NHS: variants seen among roughly 807,000 people sequenced by gnomAD.
NHS encodes the protein NHS actin remodeling regulator.
A neutral mutation model predicts 72.5 loss-of-function variants in NHS; 5 were observed. The observed-to-expected ratio is 0.07, with a 90% CI of 0.04 to 0.14. NHS has a LOEUF of 0.14. NHS is among the 10% of genes least tolerant of loss of function. The pLI is 1.00. For synonymous variants in NHS, 464 were observed against 547.7 expected, an observed-to-expected ratio of 0.85 and a Z score of 2.13; for missense variants, 1,072 against 1,355.7, an observed-to-expected ratio of 0.79 and a Z score of 3.29.
At chrX:17,600,100 C>T (rs2065642005) in intron 1 of NHS, among the ~76,000 whole-genome samples, 1 of 111,730 alleles carries the variant, frequency 9.0e-6, no homozygotes, top group Admixed American at 9.5e-5. Context: ...TACTAAGACA[C>T]TAATTTAGTT....
chrX:17,501,338 G>T (rs1279946600), intron 1 of NHS, among the ~76,000 whole-genome samples: 1 of 101,779 alleles, frequency 9.8e-6, no homozygotes, highest in Admixed American at 1.1e-4. Flanking sequence ...GGGTGACAGA[G>T]CAAGACCCTA....
In NHS at chrX:17,487,660, A is replaced by G. The variant is rs149882500; in HGVS notation, c.565+111338A>G. Among the ~76,000 whole-genome samples the G allele has an allele frequency of 9.7e-3, 1,084 of 111,683 alleles. 22 individuals carry two copies. The highest frequency in any genetic ancestry group is 0.034 in the African/African-American group (1,039 of 30,691). On this transcript the variant is annotated intron_variant, in intron 1 of 8. Coordinates refer to ENST00000676302, the MANE Select transcript of NHS (RefSeq NM_001291867.2). ...AGGCTCAGAAGGGCAAGACCAGCTC[A>G]GAGGCTGTAATTTTAGTCCTGGATG...
intron 1 of NHS, among the ~76,000 whole-genome samples, chrX:17,394,007 C>T (rs1326612321): frequency 1.8e-5 from 2 of 111,639 alleles, no homozygotes; most frequent in Non-Finnish European, 3.8e-5. Flanking sequence ...ACATTCCGCC[C>T]CCCCACCGCA....
At chrX:17,506,527 T>TAATAAATAAATA (rs61214947) in intron 1 of NHS, among the ~76,000 whole-genome samples, 7 of 98,197 alleles carry the variant, frequency 7.1e-5, no homozygotes, top group African/African-American at 2.7e-4. Flanking sequence ...TGAGACTCTG[T>TAATAAATAAATA]AATAAATAAA....
chrX:17,716,305 A>C (rs1418757880), intron 3 of NHS, among the ~76,000 whole-genome samples: 1 of 112,197 alleles, frequency 8.9e-6, no homozygotes, highest in Non-Finnish European at 1.9e-5. Context: ...GATTTAAGAC[A>C]AACTACCATA....
intron 3 of NHS, among the ~76,000 whole-genome samples, chrX:17,717,788 G>A (rs2066372955): frequency 9.0e-6 from 1 of 111,630 alleles, no homozygotes; most frequent in Non-Finnish European, 1.9e-5. Context: ...CTCCAAATGT[G>A]GTCTATGAAT....
intron 1 of NHS, among the ~76,000 whole-genome samples, chrX:17,588,447 A>G (rs2065586390): frequency 8.9e-6 from 1 of 112,286 alleles, no homozygotes; most frequent in Admixed American, 9.4e-5. Flanking sequence ...GAAGACAGAG[A>G]CAGTCAATTC....
At chrX:17,564,373 G>A (rs2065430741) in intron 1 of NHS, among the ~76,000 whole-genome samples, 1 of 112,322 alleles carries the variant, frequency 8.9e-6, no homozygotes, top group South Asian at 3.7e-4. Flanking sequence ...AACCAGAACT[G>A]TTTCCAAACA....
intron 1 of NHS, among the ~76,000 whole-genome samples, chrX:17,389,614 T>TTTATTTAC (rs1245596865): frequency 2.2e-4 from 24 of 109,640 alleles, no homozygotes; most frequent in African/African-American, 8.0e-4. Flanking sequence ...TATTTATTTA[T>TTTATTTAC]TTTTTGAGAC....
intron 1 of NHS, among the ~76,000 whole-genome samples, chrX:17,667,075 G>C (rs923646336): frequency 8.9e-6 from 1 of 112,698 alleles, no homozygotes; most frequent in Non-Finnish European, 1.9e-5. Flanking sequence ...AGAAAGCTAA[G>C]TCCTAGAGAT....
intron 1 of NHS, among the ~76,000 whole-genome samples, chrX:17,383,482 T>C (rs1328336531): frequency 1.8e-5 from 2 of 112,145 alleles, no homozygotes; most frequent in Admixed American, 1.9e-4. Context: ...ACTCACAGTT[T>C]TGCAGGCTGT....
intron 1 of NHS, among the ~76,000 whole-genome samples, chrX:17,537,107 A>G (rs756883252): frequency 8.9e-6 from 1 of 112,470 alleles, no homozygotes; most frequent in African/African-American, 3.2e-5. Context: ...CCAATTTACA[A>G]AAAAAGGATA....
At chrX:17,730,710 A>T (rs1218448809) in intron 8 of NHS, among the ~76,000 whole-genome samples, 1 of 112,518 alleles carries the variant, frequency 8.9e-6, no homozygotes, top group African/African-American at 3.2e-5. Flanking sequence ...GTAATCTTAG[A>T]CTTGCATTTG....
chrX:17,665,902 G>A (rs1484285653), intron 1 of NHS, among the ~76,000 whole-genome samples: 1 of 111,888 alleles, frequency 8.9e-6, no homozygotes, highest in Non-Finnish European at 1.9e-5. Flanking sequence ...GGAATTTTCT[G>A]TTTCATCTAA....
intron 1 of NHS, among the ~76,000 whole-genome samples, chrX:17,439,995 C>T (rs904148773): frequency 3.6e-5 from 4 of 111,159 alleles, no homozygotes; most frequent in Admixed American, 1.9e-4. Flanking sequence ...CGTGGTGGCT[C>T]ACACCTGTAA....
At chrX:17,655,824 T>A (rs2065951384) in intron 1 of NHS, among the ~76,000 whole-genome samples, 1 of 113,085 alleles carries the variant, frequency 8.8e-6, no homozygotes, top group Non-Finnish European at 1.9e-5. Flanking sequence ...GAGGGGCCGA[T>A]GCCCCTGCTT....
intron 1 of NHS, among the ~76,000 whole-genome samples, chrX:17,538,140 T>C (rs1328740613): frequency 1.8e-5 from 2 of 111,501 alleles, no homozygotes; most frequent in Non-Finnish European, 3.8e-5. Flanking sequence ...ACTTCTTGAG[T>C]TCAGATTTCA....
Position 17,479,724 on chromosome X carries a change from C to T in NHS, c.565+103402C>T, listed in dbSNP as rs980067883. Among the ~76,000 whole-genome samples the T allele has an allele frequency of 3.6e-5, 4 of 111,800 alleles. No homozygotes were observed. In the Admixed American group the frequency reaches 3.8e-4, roughly 11 times the overall value. On this transcript the variant is annotated intron_variant, in intron 1 of 8. Coordinates refer to ENST00000676302, the MANE Select transcript of NHS (RefSeq NM_001291867.2). ...GAGAAGTGTCTGTTCATATCCTTCG[C>T]CTACTTTTTGATGGGGTTGTTTTTT...
intron 1 of NHS, among the ~76,000 whole-genome samples, chrX:17,505,063 ATCTC>A (rs892476828): frequency 9.0e-6 from 1 of 111,118 alleles, no homozygotes; most frequent in African/African-American, 3.3e-5. Flanking sequence ...AAATAAATCT[ATCTC>A]ATACTACACA....
Sources: gnomAD v4.1 joint callset for allele counts (sites outside exome capture counted in the v4.1 genomes callset) on GRCh38, gnomAD v4.1.1 for gene constraint, MANE v1.5 for transcripts, NCBI Gene and HGNC (gene_info 2026-07-23, HGNC 2026-07-21) for gene names.